ARL15: variants seen among roughly 807,000 people sequenced by gnomAD.
The protein encoded by ARL15 is ARF like GTPase 15.
ARL15 carries 19 observed loss-of-function variants against 25.2 expected under a neutral mutation model. The observed-to-expected ratio is 0.75, with a 90% CI of 0.53 to 1.10. ARL15 has a LOEUF of 1.10. Ranked by LOEUF, ARL15 falls within the 50% of genes least tolerant of loss-of-function variation. The probability of loss-of-function intolerance (pLI) is 0.00; values close to 1 mark genes in which losing one functional copy is unlikely to be tolerated. For synonymous variants in ARL15, 94 were observed against 86.8 expected (o/e 1.08, Z -0.46); for missense variants, 220 against 246.0 (o/e 0.89, Z 0.71).
Position 53,935,559 on chromosome 5 carries a change from A to G in ARL15, c.463-48846T>C, listed in dbSNP as rs184027325. Among the ~76,000 whole-genome samples the G allele has an allele frequency of 8.3e-4, 127 of 152,348 alleles. 2 individuals are homozygous for G. The highest frequency in any genetic ancestry group is 2.9e-3 in the African/African-American group (120 of 41,578). On this transcript the variant is annotated intron_variant, in intron 4 of 4. Coordinates refer to ENST00000504924, the MANE Select transcript of ARL15 (RefSeq NM_019087.3). Reference sequence around the variant, plus strand: ...GTGCCTGGGATAGTACCCAGCAGACAGTAAGCTCTCAAAGAGTTACTGAGA... The same window carrying G: ...GTGCCTGGGATAGTACCCAGCAGACGGTAAGCTCTCAAAGAGTTACTGAGA...
At chr5:54,044,898 TAA>T (rs1294457144) in intron 4 of ARL15, among the ~76,000 whole-genome samples, 1 of 152,206 alleles carries the variant, frequency 6.6e-6, no homozygotes, top group East Asian at 1.9e-4. Flanking sequence ...ATTTTGGATT[TAA>T]GATTTCCCTA....
At chr5:54,296,417 G>A (rs1292701819) in intron 1 of ARL15, among the ~76,000 whole-genome samples, 1 of 152,210 alleles carries the variant, frequency 6.6e-6, no homozygotes, top group African/African-American at 2.4e-5. Flanking sequence ...CACGGAGGCT[G>A]CAGAGCAGGT....
chr5:53,916,436 A>G (rs1184936225), intron 4 of ARL15, among the ~76,000 whole-genome samples: 1 of 42,040 alleles, frequency 2.4e-5, no homozygotes, highest in African/African-American at 6.8e-5. Flanking sequence ...TGATTTGTAC[A>G]CCAAACCCCA....
At chr5:54,240,455 T>C (rs1384000522) in intron 1 of ARL15, among the ~76,000 whole-genome samples, 2 of 152,100 alleles carry the variant, frequency 1.3e-5, no homozygotes, top group Non-Finnish European at 2.9e-5. Context: ...ACATCAAGTA[T>C]CGTTGATCCA....
At chr5:53,970,836 G>T (rs952886420) in intron 4 of ARL15, among the ~76,000 whole-genome samples, 8 of 152,188 alleles carry the variant, frequency 5.3e-5, no homozygotes, top group African/African-American at 1.9e-4. Flanking sequence ...GATCACAAAT[G>T]CATTCCTTCT....
At chr5:53,891,364 G>A (rs1210623498) in intron 4 of ARL15, among the ~76,000 whole-genome samples, 3 of 152,112 alleles carry the variant, frequency 2.0e-5, no homozygotes, top group Admixed American at 6.6e-5. Context: ...GGAGAGCCAG[G>A]GTGTGTGACA....
chr5:53,931,381 T>G (rs1223368436), intron 4 of ARL15, among the ~76,000 whole-genome samples: 2 of 152,260 alleles, frequency 1.3e-5, no homozygotes, highest in Non-Finnish European at 2.9e-5. Context: ...TACTGTCATT[T>G]TATTTTGCTG....
chr5:53,990,641 G>A (rs1748454395), intron 4 of ARL15, among the ~76,000 whole-genome samples: 1 of 152,076 alleles, frequency 6.6e-6, no homozygotes, highest in African/African-American at 2.4e-5. Context: ...AGATCCATGG[G>A]AAAGCATTTT....
chr5:54,139,617 C>G (rs988181675), intron 3 of ARL15, among the ~76,000 whole-genome samples: 1 of 152,068 alleles, frequency 6.6e-6, no homozygotes, highest in Non-Finnish European at 1.5e-5. Flanking sequence ...CACTAGTAAA[C>G]AATTCATCCA....
chr5:54,009,416 T>C (rs1015631101), intron 4 of ARL15, among the ~76,000 whole-genome samples: 2 of 152,204 alleles, frequency 1.3e-5, no homozygotes, highest in South Asian at 2.1e-4. Context: ...TTTTAAAGCA[T>C]ATTATTCCAG....
chr5:53,910,575 T>C (rs6864676), intron 4 of ARL15, among the ~76,000 whole-genome samples: 59,596 of 145,572 alleles, frequency 0.41, 12,843 homozygotes, highest in Non-Finnish European at 0.48. Flanking sequence ...TGTACCTATG[T>C]GACAAACCTG....
intron 2 of ARL15, among the ~76,000 whole-genome samples, chr5:54,165,749 T>TATAC (rs1253933688): frequency 6.6e-6 from 1 of 150,808 alleles, no homozygotes; most frequent in Admixed American, 6.6e-5. Context: ...TATATATATA[T>TATAC]ATATAAATAG....
At chr5:54,049,733 A>ATT (rs1344560770) in intron 4 of ARL15, among the ~76,000 whole-genome samples, 1 of 151,390 alleles carries the variant, frequency 6.6e-6, no homozygotes, top group African/African-American at 2.4e-5. Context: ...CGCCTCACTA[A>ATT]TTGTTCTGAT....
At chr5:54,246,803 CACA>C (rs1757099324) in intron 1 of ARL15, among the ~76,000 whole-genome samples, 1 of 25,956 alleles carries the variant, frequency 3.9e-5, no homozygotes, top group African/African-American at 7.8e-5. Flanking sequence ...TGCATACACA[CACA>C]CACACACACA....
intron 4 of ARL15, among the ~76,000 whole-genome samples, chr5:53,894,705 G>A (rs1018415919): frequency 1.3e-5 from 2 of 152,108 alleles, no homozygotes; most frequent in African/African-American, 4.8e-5. Context: ...CAGCCTGAGG[G>A]ATTCCTGCAT....
At chr5:54,139,326 T>G (rs941762723) in intron 3 of ARL15, among the ~76,000 whole-genome samples, 1 of 152,172 alleles carries the variant, frequency 6.6e-6, no homozygotes, top group African/African-American at 2.4e-5. Context: ...GGAATACCAC[T>G]CAGCCATTAA....
intron 4 of ARL15, among the ~76,000 whole-genome samples, chr5:54,072,189 T>C (rs1220119023): frequency 1.3e-5 from 2 of 152,082 alleles, no homozygotes; most frequent in Non-Finnish European, 2.9e-5. Context: ...ACAAGACAGG[T>C]TGGTTACTAT....
At chr5:53,966,581 G>A (rs1011404482) in intron 4 of ARL15, among the ~76,000 whole-genome samples, 31 of 152,098 alleles carry the variant, frequency 2.0e-4, no homozygotes, top group Admixed American at 2.6e-4. Context: ...CCAGCATGTG[G>A]GATCTCACAC....
chr5:54,224,223 T>C (rs1756456463), intron 1 of ARL15, among the ~76,000 whole-genome samples: 1 of 152,114 alleles, frequency 6.6e-6, no homozygotes, highest in Admixed American at 6.6e-5. Flanking sequence ...TGGGAACGCA[T>C]TGTGGTGACC....
Sources: gnomAD v4.1 joint callset for allele counts (sites outside exome capture counted in the v4.1 genomes callset) on GRCh38, gnomAD v4.1.1 for gene constraint, MANE v1.5 for transcripts, NCBI Gene and HGNC (gene_info 2026-07-23, HGNC 2026-07-21) for gene names.